NWD1: variants seen among roughly 807,000 people sequenced by gnomAD.
The protein encoded by NWD1 is NACHT domain- and WD repeat-containing protein 1.
A neutral mutation model predicts 135.1 loss-of-function variants in NWD1; 129 were observed. That is an observed-to-expected ratio of 0.96 (90% confidence interval 0.83 to 1.11). NWD1 has a LOEUF of 1.11. Ranked by LOEUF, NWD1 falls within the 50% of genes least tolerant of loss-of-function variation. The pLI, the probability that NWD1 is intolerant of heterozygous loss-of-function variation, is 0.00. For synonymous variants in NWD1, 773 were observed against 786.0 expected (o/e 0.98, Z 0.28); for missense variants, 1,740 against 1,851.3 (o/e 0.94, Z 1.10).
At chr19:16,728,321 G>A (rs534049548) in intron 2 of NWD1, among the ~76,000 whole-genome samples, 1 of 130,292 alleles carries the variant, frequency 7.7e-6, no homozygotes, top group African/African-American at 3.0e-5. Flanking sequence ...GTCTCACTCT[G>A]TCGCCCAGGC....
intron 2 of NWD1, 152 bp from the exon 3 acceptor site, chr19:16,731,040 T>C: frequency 2.0e-6 from 1 of 488,210 alleles, no homozygotes. Flanking sequence ...GGCCAGGAAC[T>C]CGAGACCAGC....
chr19:16,744,462 G>A lies in NWD1; in HGVS notation c.240G>A (p.Ser80=), dbSNP rs779216711. The change falls in exon 5 of 19, where the codon TCG becomes TCA. Residue 80 remains serine, a synonymous_variant. Transcript: ENST00000524140. ...GDQYGPCLIP[S]RIDEKEWEVL... Reference sequence around the variant, plus strand: ...AGTACGGCCCCTGTCTGATTCCCTCGCGGATCGATGAGAAGGAGTGGGAGG... The same window carrying A: ...AGTACGGCCCCTGTCTGATTCCCTCACGGATCGATGAGAAGGAGTGGGAGG... 239 of 1,535,582 alleles carry A rather than the reference G, an allele frequency of 1.6e-4. No individual in the cohort carries two copies. Among genetic ancestry groups the A allele is most frequent in the Non-Finnish European group, 1.9e-4 (223 of 1,146,640 alleles).
chr19:16,736,529 T>A, intron 3 of NWD1, 105 bp from the exon 4 acceptor site: 1 of 716,438 alleles, frequency 1.4e-6, no homozygotes, highest in Admixed American at 2.1e-5. Context: ...AGGAAGAGGC[T>A]GTCAAAAATT....
chr19:16,731,745 C>G (rs1297350576), intron 3 of NWD1, among the ~76,000 whole-genome samples: 1 of 151,258 alleles, frequency 6.6e-6, no homozygotes, highest in Non-Finnish European at 1.5e-5. Flanking sequence ...GCTGGGATTA[C>G]AGGTGCCCGC....
Position 16,790,999 on chromosome 19 carries a change from A to G in NWD1, c.2941-351A>G, listed in dbSNP as rs537039936. 1.1e-4 allele frequency among the ~76,000 whole-genome samples: 17 copies of G among 152,238 alleles called. No homozygotes were observed. The South Asian group carries it at 3.1e-3, about 28-fold the overall frequency. On this transcript the variant is annotated intron_variant, in intron 13 of 18. Coordinates refer to ENST00000524140, the MANE Select transcript of NWD1 (RefSeq NM_001007525.5). ...ATAATCCCAGCACTTTGAGAGGCTG[A>G]GCAGGGAGGATAGTTTGAGCCCAGG... is the stretch of plus-strand genomic sequence containing the variant.
chr19:16,737,567 T>G (rs78870777), intron 4 of NWD1, among the ~76,000 whole-genome samples: 3,364 of 123,190 alleles, frequency 0.027, 122 homozygotes, highest in African/African-American at 0.1. Context: ...TAGTTTTAAG[T>G]TTTTTTTTTT....
chr19:16,751,166 G>A (rs912648291), intron 6 of NWD1, among the ~76,000 whole-genome samples: 19 of 150,846 alleles, frequency 1.3e-4, no homozygotes, highest in South Asian at 1.3e-3. Context: ...GGAGGTTGCC[G>A]TGAGCCGAGA....
chr19:16,795,217 G>A (rs116603225), intron 15 of NWD1, among the ~76,000 whole-genome samples: 245 of 152,312 alleles, frequency 1.6e-3, no homozygotes, highest in African/African-American at 5.5e-3. Flanking sequence ...CCACTGCCAC[G>A]ACTGAGCACT....
intron 9 of NWD1, 28 bp downstream of exon 9, chr19:16,763,973 C>T (rs1344961450): frequency 7.2e-7 from 1 of 1,382,574 alleles, no homozygotes; most frequent in Non-Finnish European, 1.0e-6. Context: ...TCTCAGAGGA[C>T]CGAGCCTGGT....
intron 15 of NWD1, 107 bp from the exon 16 acceptor site, chr19:16,797,625 G>C: frequency 9.5e-7 from 1 of 1,051,274 alleles, no homozygotes; most frequent in East Asian, 2.4e-5. Flanking sequence ...TGGGATTACA[G>C]GCATGAACCA....
chr19:16,751,545 A>G (rs918619079), intron 6 of NWD1, among the ~76,000 whole-genome samples: 14 of 151,762 alleles, frequency 9.2e-5, no homozygotes, highest in African/African-American at 1.2e-4. Context: ...TTACGCTTTT[A>G]ATCGCAGCAC....
chr19:16,813,598 T>A (rs1006669702), intron 18 of NWD1, among the ~76,000 whole-genome samples: 1 of 152,102 alleles, frequency 6.6e-6, no homozygotes, highest in Admixed American at 6.5e-5. Flanking sequence ...TGCCTCAGCC[T>A]CCTGAGTAGC....
chr19:16,748,823 CAATAAT>C (rs138566461), intron 5 of NWD1, among the ~76,000 whole-genome samples: 3 of 149,022 alleles, frequency 2.0e-5, no homozygotes, highest in Non-Finnish European at 2.9e-5. Flanking sequence ...GACCCTGTCT[CAATAAT>C]AATAATAATA....
At chr19:16,732,351 G>A (rs78875967) in intron 3 of NWD1, among the ~76,000 whole-genome samples, 1 of 152,138 alleles carries the variant, frequency 6.6e-6, no homozygotes, top group East Asian at 1.9e-4. Context: ...GTCCCTTGCA[G>A]TGTGACCTTG....
chr19:16,810,437 CAAAAAA>C (rs529841524), intron 18 of NWD1, among the ~76,000 whole-genome samples: 1 of 66,280 alleles, frequency 1.5e-5, no homozygotes, highest in Non-Finnish European at 3.0e-5. Context: ...GACTCCATCT[CAAAAAA>C]AAAAAAAAAA....
chr19:16,783,338 A>G (rs1969925154), intron 12 of NWD1, among the ~76,000 whole-genome samples: 1 of 152,124 alleles, frequency 6.6e-6, no homozygotes, highest in African/African-American at 2.4e-5. Flanking sequence ...CCTGTCTCTT[A>G]AAAATAAATT....
chr19:16,745,896 G>A (rs1412520021), intron 5 of NWD1, among the ~76,000 whole-genome samples: 1 of 152,144 alleles, frequency 6.6e-6, no homozygotes, highest in Non-Finnish European at 1.5e-5. Context: ...CAGCATGGGT[G>A]ACAGAGTGAG....
At chr19:16,793,139 T>C (rs1389210449) in intron 14 of NWD1, among the ~76,000 whole-genome samples, 1 of 152,136 alleles carries the variant, frequency 6.6e-6, no homozygotes, top group Non-Finnish European at 1.5e-5. Flanking sequence ...TCATGACCTG[T>C]GGTCTTCATG....
intron 10 of NWD1, among the ~76,000 whole-genome samples, chr19:16,768,033 C>A (rs912175515): frequency 6.9e-6 from 1 of 144,950 alleles, no homozygotes; most frequent in Admixed American, 7.0e-5. Flanking sequence ...GCTCTGTCAC[C>A]CAGGCTGGAG....
Sources: allele counts gnomAD v4.1 joint callset (sites outside exome capture counted in the v4.1 genomes callset), GRCh38; gene constraint gnomAD v4.1.1; transcripts MANE v1.5; gene names NCBI Gene and HGNC (gene_info 2026-07-23, HGNC 2026-07-21).